Variants in SPATA9 observed in about 807,000 individuals in gnomAD.
SPATA9 encodes spermatogenesis associated 9, also known as spermatogenesis-associated protein 9.
A neutral mutation model predicts 25.5 loss-of-function variants in SPATA9; 27 were observed. That is an observed-to-expected ratio of 1.06 (90% CI 0.78 to 1.46). The LOEUF (loss-of-function observed/expected upper bound fraction) is 1.46. Ranked by LOEUF, SPATA9 falls within the 40% of genes most tolerant of loss-of-function variation. SPATA9 has a pLI of 0.00. For missense variants in SPATA9, 282 were observed against 297.5 expected, an observed-to-expected ratio of 0.95 and a Z score of 0.38; for synonymous variants, 102 against 105.7, an observed-to-expected ratio of 0.97 and a Z score of 0.21.
At chr5:95,720,957 T>C in the SPATA9 span, among the ~76,000 whole-genome samples, 1 of 152,260 alleles carries the variant, frequency 6.6e-6, no homozygotes, top group African/African-American at 2.4e-5. Context: ...TAATGGGTTC[T>C]TCTTATGATT....
chr5:95,724,136 G>T, the SPATA9 span, among the ~76,000 whole-genome samples: 938 of 152,200 alleles, frequency 6.2e-3, 7 homozygotes, highest in Non-Finnish European at 1.0e-2. Flanking sequence ...TAAAATCTTG[G>T]TTTATACTTC....
At chr5:95,707,665 G>A in the SPATA9 span, among the ~76,000 whole-genome samples, 2 of 152,156 alleles carry the variant, frequency 1.3e-5, no homozygotes, top group African/African-American at 2.4e-5. Context: ...GATATAGCTT[G>A]CCACAGTATC....
the SPATA9 span, chr5:95,731,671 G>T: frequency 6.2e-7 from 1 of 1,613,432 alleles, no homozygotes; most frequent in African/African-American, 1.3e-5. Context: ...CCCTGCCCTT[G>T]GATTTGAGAT....
the SPATA9 span, among the ~76,000 whole-genome samples, chr5:95,710,170 C>G: frequency 3.3e-5 from 5 of 152,146 alleles, no homozygotes; most frequent in South Asian, 2.1e-4. Flanking sequence ...ACTCCCTGCT[C>G]GAGAAAGCTG....
chr5:95,665,310 G>T (rs1751677053), intron 3 of SPATA9, among the ~76,000 whole-genome samples: 1 of 152,144 alleles, frequency 6.6e-6, no homozygotes, highest in South Asian at 2.1e-4. Context: ...AATTTATTCT[G>T]CCTATCTAAT....
At chr5:95,672,166 G>A (rs1404985098) in intron 3 of SPATA9, among the ~76,000 whole-genome samples, 1 of 152,180 alleles carries the variant, frequency 6.6e-6, no homozygotes, top group Non-Finnish European at 1.5e-5. Context: ...GGGTAGATGT[G>A]AGGTGGGGAT....
intron 4 of SPATA9, among the ~76,000 whole-genome samples, chr5:95,659,899 GT>G (rs1751108367): frequency 6.6e-6 from 1 of 152,204 alleles, no homozygotes; most frequent in South Asian, 2.1e-4. Context: ...TTTTGGAAAA[GT>G]TTTTCCTCCT....
chr5:95,712,137 A>G, the SPATA9 span, among the ~76,000 whole-genome samples: 1 of 152,264 alleles, frequency 6.6e-6, no homozygotes, highest in African/African-American at 2.4e-5. Flanking sequence ...GACAACAATT[A>G]CATGTAAGTT....
the SPATA9 span, among the ~76,000 whole-genome samples, chr5:95,709,643 A>G: frequency 0.23 from 34,620 of 152,128 alleles, 4,198 homozygotes; most frequent in East Asian, 0.5. Flanking sequence ...ATTTCATTAA[A>G]TAAGAACTTA....
chr5:95,655,577 A>G (rs1456040930), downstream of SPATA9: 1 of 153,484 alleles, frequency 6.5e-6, no homozygotes, highest in Non-Finnish European at 1.4e-5. Flanking sequence ...GCACTTCACC[A>G]AGACAGTTAA....
intron 3 of SPATA9, among the ~76,000 whole-genome samples, chr5:95,665,180 A>ATTG (rs1751658978): frequency 6.6e-6 from 1 of 152,174 alleles, no homozygotes; most frequent in African/African-American, 2.4e-5. Context: ...TCTGTATCAC[A>ATTG]TTGTGCATTT....
chr5:95,672,057 G>A (rs1051368175), intron 3 of SPATA9, among the ~76,000 whole-genome samples: 3 of 152,146 alleles, frequency 2.0e-5, no homozygotes, highest in African/African-American at 7.2e-5. Context: ...AGAGCAGCAA[G>A]TGTGTGAGCT....
At chr5:95,653,688 C>T (rs1750508457), downstream of SPATA9, among the ~76,000 whole-genome samples, 1 of 152,142 alleles carries the variant, frequency 6.6e-6, no homozygotes, top group South Asian at 2.1e-4. Context: ...TACTTGAGGT[C>T]AGGAGTTTGA....
chr5:95,652,326 C>T (rs749892741), downstream of SPATA9: 27 of 1,550,654 alleles, frequency 1.7e-5, no homozygotes, highest in Non-Finnish European at 2.2e-5. Flanking sequence ...TACACTTCCT[C>T]TCCAAGTGAG....
the SPATA9 span, among the ~76,000 whole-genome samples, chr5:95,714,487 G>T: frequency 6.6e-6 from 1 of 152,170 alleles, no homozygotes; most frequent in African/African-American, 2.4e-5. Flanking sequence ...TTTCAAAAAG[G>T]GGGAAAGGTC....
chr5:95,691,111 G>A (rs1235927141), intron 1 of SPATA9, among the ~76,000 whole-genome samples: 1 of 151,956 alleles, frequency 6.6e-6, no homozygotes, highest in East Asian at 1.9e-4. Flanking sequence ...AGCTACTTGG[G>A]AGGCTGAGGC....
chr5:95,678,356 G>A (rs1391824609), intron 2 of SPATA9, among the ~76,000 whole-genome samples: 4 of 152,106 alleles, frequency 2.6e-5, no homozygotes, highest in African/African-American at 7.2e-5. Flanking sequence ...CATCCTGGGC[G>A]ACAGAGCGAG....
chr5:95,662,233 C>T (rs1209618218), intron 4 of SPATA9, among the ~76,000 whole-genome samples: 4 of 152,136 alleles, frequency 2.6e-5, no homozygotes, highest in Non-Finnish European at 5.9e-5. Context: ...AAAAATTTGA[C>T]TCTTACCTCA....
intron 1 of SPATA9, among the ~76,000 whole-genome samples, chr5:95,696,477 T>G (rs908046378): frequency 6.6e-6 from 1 of 152,134 alleles, no homozygotes; most frequent in African/African-American, 2.4e-5. Context: ...GTGAAATACA[T>G]AAAGAAAATC....
Sources: gnomAD v4.1 joint callset for allele counts (sites outside exome capture counted in the v4.1 genomes callset) on GRCh38, gnomAD v4.1.1 for gene constraint, MANE v1.5 for transcripts, NCBI Gene and HGNC (gene_info 2026-07-23, HGNC 2026-07-21) for gene names.